The following TMEM132C variants were observed in gnomAD, a reference collection of about 807,000 sequenced individuals.
TMEM132C encodes the protein protein phosphatase 1, regulatory subunit 152.
In TMEM132C, 29 loss-of-function variants were observed where a neutral mutation model predicts 61.4. That is an observed-to-expected ratio of 0.47 (90% CI 0.35 to 0.64). TMEM132C has a LOEUF of 0.64. Ranked by LOEUF, TMEM132C falls within the 30% of genes least tolerant of loss-of-function variation. The probability of loss-of-function intolerance (pLI) is 0.00; values close to 1 mark genes in which losing one functional copy is unlikely to be tolerated. For synonymous variants in TMEM132C, 656 were observed against 633.1 expected (o/e 1.04, Z -0.54); for missense variants, 1,408 against 1,476.9 (o/e 0.95, Z 0.76).
intron 2 of TMEM132C, among the ~76,000 whole-genome samples, chr12:128,487,247 C>T (rs890773024): frequency 5.9e-5 from 9 of 152,156 alleles, no homozygotes; most frequent in African/African-American, 1.9e-4. Flanking sequence ...CTTCCTCACC[C>T]ATCCTCCTTG....
intron 2 of TMEM132C, chr12:128,437,977 A>C (rs1593053067): frequency 6.6e-6 from 1 of 152,322 alleles, no homozygotes; most frequent in East Asian, 1.9e-4. Flanking sequence ...AAAATGGTGA[A>C]TCTTGGGAGC....
intron 7 of TMEM132C, 73 bp from the exon 8 acceptor site, chr12:128,697,151 A>G: frequency 7.4e-7 from 1 of 1,348,070 alleles, no homozygotes; most frequent in South Asian, 1.5e-5. Flanking sequence ...GATGGAAGAA[A>G]TATTACTGGT....
At chr12:128,383,153 T>G (rs546159682) in intron 1 of TMEM132C, among the ~76,000 whole-genome samples, 3 of 152,176 alleles carry the variant, frequency 2.0e-5, no homozygotes, top group Non-Finnish European at 4.4e-5. Flanking sequence ...CCTGTATGTG[T>G]GTGCACCTGT....
intron 2 of TMEM132C, among the ~76,000 whole-genome samples, chr12:128,457,989 A>G (rs950123082): frequency 2.6e-5 from 4 of 152,126 alleles, no homozygotes; most frequent in African/African-American, 4.8e-5. Context: ...CCAGAAATCC[A>G]TATATTTAAA....
intron 1 of TMEM132C, among the ~76,000 whole-genome samples, chr12:128,309,929 T>A (rs1361685777): frequency 1.3e-5 from 2 of 151,914 alleles, no homozygotes; most frequent in African/African-American, 4.8e-5. Flanking sequence ...AGAGACGGGG[T>A]TTCACCATGT....
At chr12:128,608,374 C>T (rs760244522) in intron 3 of TMEM132C, among the ~76,000 whole-genome samples, 1 of 152,212 alleles carries the variant, frequency 6.6e-6, no homozygotes, top group Non-Finnish European at 1.5e-5. Context: ...CCAGGACTCA[C>T]TTCAGACCAA....
rs117417104 is a variant in TMEM132C, at chr12:128,485,773, G to A, written c.975-58184G>A. On this transcript the variant is annotated intron_variant, in intron 2 of 8. Coordinates refer to ENST00000435159, the MANE Select transcript of TMEM132C (RefSeq NM_001136103.3). ...GCCGTACTAAGATGATGCGTTAAGCGGATTGCTCTTCCCCCTTCCAGCCAT... is the reference window on the plus strand; with the variant it reads ...GCCGTACTAAGATGATGCGTTAAGCAGATTGCTCTTCCCCCTTCCAGCCAT... Among the ~76,000 whole-genome samples, 46 of 152,264 alleles carry A rather than the reference G, an allele frequency of 3.0e-4. No individual in the cohort carries two copies. The East Asian group carries it at 7.5e-3, about 25-fold the overall frequency.
At chr12:128,590,175 AG>A (rs1875702192) in intron 3 of TMEM132C, among the ~76,000 whole-genome samples, 1 of 152,152 alleles carries the variant, frequency 6.6e-6, no homozygotes, top group East Asian at 1.9e-4. Context: ...TACCCGTTGG[AG>A]GGCAATGTGG....
intron 1 of TMEM132C, among the ~76,000 whole-genome samples, chr12:128,320,765 G>C (rs1046992711): frequency 6.7e-6 from 1 of 149,414 alleles, no homozygotes; most frequent in Middle Eastern, 3.6e-3. Context: ...GGGCGACACA[G>C]CAAGACCCTG....
chr12:128,450,079 C>G (rs930903979), intron 2 of TMEM132C, among the ~76,000 whole-genome samples: 36 of 152,194 alleles, frequency 2.4e-4, no homozygotes, highest in African/African-American at 8.0e-4. Context: ...TGGAGCAGAG[C>G]TAGCCAGTCA....
At chr12:128,579,507 G>T (rs567145698) in intron 3 of TMEM132C, among the ~76,000 whole-genome samples, 1 of 152,256 alleles carries the variant, frequency 6.6e-6, no homozygotes, top group East Asian at 1.9e-4. Flanking sequence ...AAATACATTT[G>T]GAAGATAATG....
chr12:128,315,791 C>A (rs1872132884), intron 1 of TMEM132C, among the ~76,000 whole-genome samples: 1 of 151,760 alleles, frequency 6.6e-6, no homozygotes, highest in Non-Finnish European at 1.5e-5. Flanking sequence ...ATGTGCAGAC[C>A]CCAAGAGAGA....
At chr12:128,643,540 G>A (rs1052187492) in intron 4 of TMEM132C, among the ~76,000 whole-genome samples, 2 of 151,680 alleles carry the variant, frequency 1.3e-5, no homozygotes, top group Non-Finnish European at 2.9e-5. Context: ...CATCACACAC[G>A]TCCATTTGGG....
At chr12:128,567,103 C>T (rs796137668) in intron 3 of TMEM132C, among the ~76,000 whole-genome samples, 7 of 152,258 alleles carry the variant, frequency 4.6e-5, no homozygotes, top group African/African-American at 1.7e-4. Flanking sequence ...TAGAAAACAT[C>T]CCAACCCACT....
chr12:128,589,506 T>TCCC (rs1565983574), intron 3 of TMEM132C, among the ~76,000 whole-genome samples: 7 of 135,510 alleles, frequency 5.2e-5, no homozygotes, highest in Non-Finnish European at 9.4e-5. Flanking sequence ...CACCTCCCCC[T>TCCC]CCCCACAGCC....
rs1422114939 is a variant in TMEM132C, at chr12:128,415,407, C to T, written c.761C>T (p.Pro254Leu). 6.4e-7 allele frequency: 1 copy of T among 1,551,216 alleles called. No homozygotes were observed. Among genetic ancestry groups the T allele is most frequent in the South Asian group, 1.2e-5 (1 of 83,968 alleles). The change falls in exon 2 of 9, where the codon CCA becomes CTA. Residue 254 changes from proline (P) to leucine (L), a missense_variant. By Grantham distance (98) the Pro-to-Leu change is moderately conservative (BLOSUM62 -3). Transcript: ENST00000435159. The surrounding 1 kb of genome is among the most constrained non-coding windows in gnomAD (Gnocchi z 5.8). ...GDFRKGNAIR[P>L]GKDGLEETTS... ...TTCAGGAAGGGCAACGCCATCCGTC[C>T]AGGAAAGGATGGGCTGGAGGAAACC...
intron 2 of TMEM132C, among the ~76,000 whole-genome samples, chr12:128,536,433 C>T (rs981712409): frequency 6.6e-6 from 1 of 152,044 alleles, no homozygotes; most frequent in African/African-American, 2.4e-5. Context: ...GGAGATAAAC[C>T]TAATGTAAAT....
At chr12:128,701,329 C>G (rs1445972462) in intron 8 of TMEM132C, among the ~76,000 whole-genome samples, 1 of 151,936 alleles carries the variant, frequency 6.6e-6, no homozygotes, top group Admixed American at 6.6e-5. Context: ...GAACTCCACA[C>G]CCTCCTAAAA....
intron 2 of TMEM132C, among the ~76,000 whole-genome samples, chr12:128,479,091 A>T (rs1443269974): frequency 6.6e-6 from 1 of 152,214 alleles, no homozygotes; most frequent in Non-Finnish European, 1.5e-5. Context: ...GGAGCCCATC[A>T]TCCTTAGCAA....
Sources: gnomAD v4.1 joint callset for allele counts (sites outside exome capture counted in the v4.1 genomes callset) on GRCh38, gnomAD v4.1.1 for gene constraint, Gnocchi (gnomAD v3.1) non-coding constraint, MANE v1.5 for transcripts, NCBI Gene and HGNC (gene_info 2026-07-23, HGNC 2026-07-21) for gene names.